PDE10A: variants seen among roughly 807,000 people sequenced by gnomAD.
The protein encoded by PDE10A is cAMP and cAMP-inhibited cGMP 3',5'-cyclic phosphodiesterase 10A.
PDE10A carries 39 observed loss-of-function variants against 97.7 expected under a neutral mutation model. The observed-to-expected ratio is 0.40, with a 90% CI of 0.31 to 0.52. PDE10A has a LOEUF of 0.52. Among genes scored for constraint, PDE10A ranks in the 20% least tolerant of loss-of-function variants. The probability of loss-of-function intolerance (pLI) is 0.56; values close to 1 mark genes in which losing one functional copy is unlikely to be tolerated. For missense variants in PDE10A, 731 were observed against 1,047.8 expected, an observed-to-expected ratio of 0.70 and a Z score of 4.17; for synonymous variants, 371 against 376.8, an observed-to-expected ratio of 0.98 and a Z score of 0.18.
intron 2 of PDE10A, among the ~76,000 whole-genome samples, chr6:165,499,693 G>A (rs1780752368): frequency 2.0e-5 from 3 of 152,096 alleles, no homozygotes; most frequent in Admixed American, 2.0e-4. Context: ...CATGTTGAAA[G>A]AAAACTATAT....
At chr6:165,933,149 T>C (rs1018287273) in intron 1 of PDE10A, among the ~76,000 whole-genome samples, 10 of 152,010 alleles carry the variant, frequency 6.6e-5, no homozygotes, top group African/African-American at 2.4e-4. Context: ...ACCTGTGTGG[T>C]TGGGCAGCAG....
At chr6:165,912,105 AT>A (rs1441491811) in intron 1 of PDE10A, among the ~76,000 whole-genome samples, 8 of 151,692 alleles carry the variant, frequency 5.3e-5, no homozygotes, top group African/African-American at 1.9e-4. Flanking sequence ...ATCATCTATT[AT>A]TTATCATCTA....
chr6:165,870,854 G>T (rs990459422), intron 1 of PDE10A, among the ~76,000 whole-genome samples: 1 of 152,210 alleles, frequency 6.6e-6, no homozygotes, highest in African/African-American at 2.4e-5. Flanking sequence ...GCCAGGCACA[G>T]AAAGCAAAAT....
chr6:165,558,411 A>G (rs1784363121), intron 1 of PDE10A, among the ~76,000 whole-genome samples: 1 of 152,056 alleles, frequency 6.6e-6, no homozygotes, highest in South Asian at 2.1e-4. Flanking sequence ...CAATGAGAAT[A>G]CTTGGACACA....
At chr6:165,514,842 A>G (rs916743679) in intron 2 of PDE10A, among the ~76,000 whole-genome samples, 1 of 152,152 alleles carries the variant, frequency 6.6e-6, no homozygotes, top group Non-Finnish European at 1.5e-5. Flanking sequence ...TTAAGGTATG[A>G]ATGATTCTTG....
At chr6:165,652,796 C>G (rs1319989563) in intron 1 of PDE10A, among the ~76,000 whole-genome samples, 1 of 152,214 alleles carries the variant, frequency 6.6e-6, no homozygotes, top group Non-Finnish European at 1.5e-5. Flanking sequence ...TCAAACACGT[C>G]AGCCCTTCAT....
chr6:165,869,005 G>A (rs1296793622), intron 1 of PDE10A, among the ~76,000 whole-genome samples: 6 of 152,008 alleles, frequency 3.9e-5, no homozygotes, highest in Non-Finnish European at 8.8e-5. Context: ...ACTGAATGGA[G>A]AAAAGCTGAA....
chr6:165,922,633 C>T (rs575135260), intron 1 of PDE10A, among the ~76,000 whole-genome samples: 4 of 152,208 alleles, frequency 2.6e-5, no homozygotes, highest in African/African-American at 9.6e-5. Context: ...CTCAGGGTGG[C>T]ATTCTGAGAA....
At chr6:165,862,522 G>A (rs1253289446) in intron 1 of PDE10A, among the ~76,000 whole-genome samples, 5 of 152,098 alleles carry the variant, frequency 3.3e-5, no homozygotes, top group African/African-American at 9.7e-5. Context: ...CAGTCTAAAG[G>A]GTGATGATGA....
chr6:165,790,723 T>G (rs2128463470), intron 1 of PDE10A, among the ~76,000 whole-genome samples: 1 of 152,252 alleles, frequency 6.6e-6, no homozygotes. Flanking sequence ...GGCCTGCTTT[T>G]CTCACGTCCC....
At chr6:165,404,591 A>G (rs1786960161) in intron 13 of PDE10A, among the ~76,000 whole-genome samples, 1 of 152,140 alleles carries the variant, frequency 6.6e-6, no homozygotes, top group African/African-American at 2.4e-5. Context: ...GGAAAACATT[A>G]CATATATCTG....
chr6:165,744,955 G>C (rs1238536148), intron 1 of PDE10A, among the ~76,000 whole-genome samples: 2 of 152,098 alleles, frequency 1.3e-5, no homozygotes, highest in East Asian at 1.9e-4. Flanking sequence ...GTATTCATTT[G>C]ATTTACAATA....
intron 1 of PDE10A, among the ~76,000 whole-genome samples, chr6:165,586,867 A>G (rs569559193): frequency 4.6e-5 from 7 of 152,194 alleles, no homozygotes; most frequent in South Asian, 4.1e-4. Context: ...TAACTCTTTT[A>G]TATTTGCCTT....
At chr6:165,771,072 C>A (rs1777996104) in intron 1 of PDE10A, among the ~76,000 whole-genome samples, 1 of 152,216 alleles carries the variant, frequency 6.6e-6, no homozygotes, top group South Asian at 2.1e-4. Flanking sequence ...GCTTTCAGGG[C>A]AGAGCCCATG....
chr6:165,943,346 G>GAAAGAGAGAA (rs369730730), intron 1 of PDE10A, among the ~76,000 whole-genome samples: 1 of 79,488 alleles, frequency 1.3e-5, no homozygotes, highest in African/African-American at 5.5e-5. Flanking sequence ...AGAAAGAAAA[G>GAAAGAGAGAA]AGAAAGAAAG....
chr6:165,355,769 C>A (rs1782983103), intron 18 of PDE10A, among the ~76,000 whole-genome samples: 1 of 152,018 alleles, frequency 6.6e-6, no homozygotes, highest in Admixed American at 6.6e-5. Flanking sequence ...TTTATTAAAA[C>A]AAAACAAAAT....
At chr6:165,626,269 G>T (rs891446397) in intron 1 of PDE10A, among the ~76,000 whole-genome samples, 2 of 152,194 alleles carry the variant, frequency 1.3e-5, no homozygotes, top group African/African-American at 4.8e-5. Context: ...TCATGAAGGT[G>T]TTTATTCCAG....
intron 21 of PDE10A, among the ~76,000 whole-genome samples, chr6:165,335,216 G>A (rs1267476438): frequency 1.3e-5 from 2 of 152,182 alleles, no homozygotes; most frequent in East Asian, 3.8e-4. Flanking sequence ...ATCTAGAAGA[G>A]ATAACGATGC....
intron 1 of PDE10A, among the ~76,000 whole-genome samples, chr6:165,802,366 C>T (rs1160641892): frequency 1.3e-5 from 2 of 152,198 alleles, no homozygotes; most frequent in African/African-American, 4.8e-5. Context: ...TCAACACTTC[C>T]CAAGTTTGTC....
Sources: gnomAD v4.1 joint callset for allele counts (sites outside exome capture counted in the v4.1 genomes callset) on GRCh38, gnomAD v4.1.1 for gene constraint, MANE v1.5 for transcripts, NCBI Gene and HGNC (gene_info 2026-07-23, HGNC 2026-07-21) for gene names.